The following CDH23 variants were observed in gnomAD, a reference collection of about 807,000 sequenced individuals.
The protein encoded by CDH23 is cadherin related 23, also known as cadherin-23.
A neutral mutation model predicts 317.1 loss-of-function variants in CDH23; 189 were observed. The observed-to-expected ratio is 0.60, with a 90% CI of 0.53 to 0.67. CDH23 has a LOEUF of 0.67. Ranked by LOEUF, CDH23 falls within the 30% of genes least tolerant of loss-of-function variation. CDH23 has a pLI of 0.00. For synonymous variants in CDH23, 1,839 were observed against 1,876.8 expected, an observed-to-expected ratio of 0.98 and a Z score of 0.52; for missense variants, 4,401 against 4,592.4, an observed-to-expected ratio of 0.96 and a Z score of 1.20.
In CDH23 at chr10:71,815,322, G is replaced by T; in HGVS notation, c.*44G>T. ...TGGGTGTGAGCAGCACCCATCCACCGTCCCCTCCCAGGGAGCAAGGGCAGG... is the reference window on the plus strand; with the variant it reads ...TGGGTGTGAGCAGCACCCATCCACCTTCCCCTCCCAGGGAGCAAGGGCAGG... On this transcript the variant is annotated 3_prime_UTR_variant, in exon 70 of 70. Transcript: ENST00000224721. 6.7e-7 allele frequency: 1 copy of T among 1,491,254 alleles called. No individual in the cohort carries two copies. 92.4% of individuals were successfully genotyped at this position (1,491,254 alleles called of 1,614,324 possible). A position where few individuals can be genotyped will look rare whatever the true frequency, so the allele number is the denominator to read the frequency against.
intron 44 of CDH23, 106 bp from the exon 45 acceptor site, chr10:71,788,834 C>T (rs1302442291): frequency 5.9e-6 from 4 of 681,734 alleles, no homozygotes; most frequent in Non-Finnish European, 1.1e-5. Flanking sequence ...CTTTTCTGAT[C>T]ATCCACCTCT....
intron 17 of CDH23, among the ~76,000 whole-genome samples, chr10:71,681,151 A>G (rs996452664): frequency 7.2e-5 from 11 of 152,082 alleles, no homozygotes; most frequent in African/African-American, 2.4e-4. Context: ...AAAACTTAAA[A>G]GTTCCATGCT....
intron 6 of CDH23, among the ~76,000 whole-genome samples, chr10:71,558,470 G>T (rs1424560160): frequency 1.3e-5 from 2 of 152,022 alleles, no homozygotes; most frequent in Non-Finnish European, 2.9e-5. Context: ...TTTCTACTGG[G>T]CCTTTTTTCC....
chr10:71,639,096 G>A (rs188407779), intron 11 of CDH23, among the ~76,000 whole-genome samples: 48 of 152,296 alleles, frequency 3.2e-4, no homozygotes, highest in Non-Finnish European at 4.0e-4. Context: ...CGGCCTCCCC[G>A]CGGGCAGCTG....
chr10:71,621,526 G>C (rs1413428784), intron 11 of CDH23, among the ~76,000 whole-genome samples: 1 of 152,230 alleles, frequency 6.6e-6, no homozygotes, highest in Non-Finnish European at 1.5e-5. Context: ...TTGAGTTAAT[G>C]CATGGTTAAA....
intron 41 of CDH23, among the ~76,000 whole-genome samples, chr10:71,783,715 A>G (rs1359431960): frequency 1.3e-5 from 2 of 152,192 alleles, no homozygotes; most frequent in African/African-American, 2.4e-5. Flanking sequence ...CTTTCCAACT[A>G]TAGCTCAATA....
chr10:71,533,528 CACACACACACACACACACA>C (rs1333100381), intron 6 of CDH23, among the ~76,000 whole-genome samples: 4 of 53,752 alleles, frequency 7.4e-5, no homozygotes, highest in African/African-American at 2.7e-4. Flanking sequence ...CTGGACACCA[CACACACACACACACACACA>C]CACACACACA....
Position 71,759,768 on chromosome 10 carries a change from C to T in CDH23, c.4845+17847C>T, listed in dbSNP as rs141853352. Reference sequence around the variant, plus strand: ...CGGAGGTTGCAGTGAGCCCAGATCGCGCCACTGCACTCCAGCCTGGGTAAC... The same window carrying T: ...CGGAGGTTGCAGTGAGCCCAGATCGTGCCACTGCACTCCAGCCTGGGTAAC... On this transcript the variant is annotated intron_variant, in intron 38 of 69. Transcript: ENST00000224721. 3.2e-3 allele frequency among the ~76,000 whole-genome samples: 478 copies of T among 150,770 alleles called. 7 individuals are homozygous for T. The highest frequency in any genetic ancestry group is 0.011 in the African/African-American group (442 of 40,864).
intron 1 of CDH23, among the ~76,000 whole-genome samples, chr10:71,418,298 A>G: frequency 6.6e-6 from 1 of 152,204 alleles, no homozygotes; most frequent in South Asian, 2.1e-4. Flanking sequence ...TTCAGGGAAG[A>G]TTCATTGTAT....
intron 3 of CDH23, among the ~76,000 whole-genome samples, chr10:71,491,055 G>C (rs1204820098): frequency 6.6e-6 from 1 of 152,148 alleles, no homozygotes; most frequent in Non-Finnish European, 1.5e-5. Flanking sequence ...ACCAGTCTTG[G>C]CTCCCCCACC....
intron 8 of CDH23, among the ~76,000 whole-genome samples, chr10:71,576,210 C>T (rs1342712643): frequency 6.6e-6 from 1 of 152,234 alleles, no homozygotes; most frequent in Non-Finnish European, 1.5e-5. Context: ...CTGTCCCAGG[C>T]CTGGCCTAGC....
At chr10:71,646,900 G>A in intron 14 of CDH23, 7 of 1,423,118 alleles carry the variant, frequency 4.9e-6, no homozygotes, top group African/African-American at 1.4e-5. Context: ...CAGTGAGGGT[G>A]GGCTGGGAGC....
At chr10:71,507,218 G>A (rs915766820) in intron 3 of CDH23, among the ~76,000 whole-genome samples, 4 of 152,152 alleles carry the variant, frequency 2.6e-5, no homozygotes, top group African/African-American at 9.7e-5. Context: ...AGGCGCTTAT[G>A]GGCCTCAGTT....
chr10:71,595,564 A>G (rs1042783103), intron 9 of CDH23, among the ~76,000 whole-genome samples: 2 of 152,114 alleles, frequency 1.3e-5, no homozygotes, highest in Non-Finnish European at 2.9e-5. Flanking sequence ...TCTCTTTGAC[A>G]TTCTTTCCTT....
chr10:71,702,214 A>G lies in CDH23; in HGVS notation c.2587+3A>G, dbSNP rs1481098996. On this transcript the variant is annotated splice_donor_region_variant and intron_variant, in intron 23 of 69. Transcript: ENST00000224721. ...AATCGTCGTCTCTGTTACTGACTGT[A>G]TGGACCCCTCTCGCCCCTCACGGCC... is the stretch of plus-strand genomic sequence containing the variant. 2 of 1,612,672 alleles carry G rather than the reference A, an allele frequency of 1.2e-6. No homozygotes were observed. The highest frequency in any genetic ancestry group is 3.3e-5 in the Admixed American group (2 of 60,008).
In CDH23 at chr10:71,736,235, C is replaced by T. The variant is rs981915133; in HGVS notation, c.4209+1577C>T. On this transcript the variant is annotated intron_variant, in intron 34 of 69. Coordinates refer to ENST00000224721, the MANE Select transcript of CDH23 (RefSeq NM_022124.6). ...ACCCCCTTTTGTTCTGCCCTGGCTT[C>T]CTCTGAGAGGCTCCCAGGGGCCGCT... is the stretch of plus-strand genomic sequence containing the variant. Among the ~76,000 whole-genome samples the T allele has an allele frequency of 3.9e-5, 6 of 152,372 alleles. 1 individual carries two copies. In the South Asian group the frequency reaches 1.2e-3, roughly 32 times the overall value.
intron 28 of CDH23, chr10:71,719,499 C>G (rs1275810574): frequency 6.6e-6 from 1 of 152,456 alleles, no homozygotes; most frequent in African/African-American, 2.4e-5. Flanking sequence ...GCCTTGTTTC[C>G]CCTCTCTACA....
chr10:71,595,816 C>G (rs967142501), intron 9 of CDH23, among the ~76,000 whole-genome samples: 1 of 152,192 alleles, frequency 6.6e-6, no homozygotes, highest in Non-Finnish European at 1.5e-5. Flanking sequence ...GCACTGCCAG[C>G]AATTGGCACC....
At chr10:71,514,676 A>T (rs749003104) in intron 6 of CDH23, among the ~76,000 whole-genome samples, 18 of 152,086 alleles carry the variant, frequency 1.2e-4, no homozygotes, top group Non-Finnish European at 2.2e-4. Flanking sequence ...TCTCCATGTA[A>T]TTATCCATTT....
Sources: gnomAD v4.1 joint callset for allele counts (sites outside exome capture counted in the v4.1 genomes callset) on GRCh38, gnomAD v4.1.1 for gene constraint, MANE v1.5 for transcripts, NCBI Gene and HGNC (gene_info 2026-07-23, HGNC 2026-07-21) for gene names.